Variants in BPTF observed in about 807,000 individuals in gnomAD.
BPTF encodes the protein nucleosome-remodeling factor subunit BPTF.
BPTF carries 18 observed loss-of-function variants against 292.5 expected under a neutral mutation model. The ratio of observed to expected loss-of-function variants is 0.06; its 90% CI spans 0.04 to 0.09. BPTF has a LOEUF of 0.09. BPTF is among the 10% of genes least tolerant of loss of function. BPTF has a pLI of 1.00. For missense variants in BPTF, 2,726 were observed against 3,498.7 expected (o/e 0.78, Z 5.57); for synonymous variants, 1,225 against 1,251.9 (o/e 0.98, Z 0.45).
At chr17:67,830,840 ATTGTGATCCTCAGCCC>A (rs1232022427) in intron 1 of BPTF, among the ~76,000 whole-genome samples, 24 of 152,220 alleles carry the variant, frequency 1.6e-4, no homozygotes, top group African/African-American at 5.5e-4. Context: ...ATTGGGCTGG[ATTGTGATCCTCAGCCC>A]TTTTTCACTC....
chr17:67,951,929 A>G (rs1159924702), intron 23 of BPTF, among the ~76,000 whole-genome samples: 1 of 151,448 alleles, frequency 6.6e-6, no homozygotes, highest in East Asian at 2.0e-4. Context: ...GTGGCGCACA[A>G]CTGTAGTTCC....
At chr17:67,969,268 G>A (rs560930635) in intron 26 of BPTF, among the ~76,000 whole-genome samples, 1 of 150,980 alleles carries the variant, frequency 6.6e-6, no homozygotes, top group Non-Finnish European at 1.5e-5. Flanking sequence ...CCAACATGGT[G>A]AAACCTCATC....
In BPTF at chr17:67,983,726, T is replaced by C. The variant is rs1421315765; in HGVS notation, c.*1438T>C. The stretch of plus-strand genomic sequence containing the variant: ...CTTTGCAAAAATTTTTACTAGATTT[T>C]GCACTAACTCATATTAGCTTTGTCC... On this transcript the variant is annotated 3_prime_UTR_variant, in exon 28 of 28. Transcript: ENST00000306378. 6.5e-6 allele frequency: 1 copy of C among 152,698 alleles called. No homozygotes were observed. Among genetic ancestry groups the C allele is most frequent in the Non-Finnish European group, 1.5e-5 (1 of 68,050 alleles). The allele number at this position is 152,698 out of a possible 1,614,324, so 9.5% of individuals were successfully genotyped here. A position where few individuals can be genotyped will look rare whatever the true frequency, so the allele number is the denominator to read the frequency against.
intron 15 of BPTF, 39 bp downstream of exon 15, chr17:67,924,628 A>G: frequency 1.3e-6 from 2 of 1,595,006 alleles, no homozygotes; most frequent in Non-Finnish European, 8.5e-7. Context: ...TCAAGGCCCA[A>G]ATGGAGGCTC....
chr17:67,958,700 C>T (rs1403081368), intron 23 of BPTF, among the ~76,000 whole-genome samples: 1 of 151,936 alleles, frequency 6.6e-6, no homozygotes, highest in Non-Finnish European at 1.5e-5. Flanking sequence ...CACTGCACTC[C>T]AGCCTAGGCA....
intron 1 of BPTF, among the ~76,000 whole-genome samples, chr17:67,830,003 C>G (rs1442041826): frequency 1.3e-5 from 2 of 152,072 alleles, no homozygotes; most frequent in Non-Finnish European, 2.9e-5. Flanking sequence ...TTGAAATCAC[C>G]TAGTTTTGCT....
At chr17:67,923,373 A>G (rs569441289) in intron 14 of BPTF, among the ~76,000 whole-genome samples, 7 of 150,700 alleles carry the variant, frequency 4.6e-5, no homozygotes, top group African/African-American at 1.7e-4. Context: ...GAACACTTTA[A>G]TCATTTATTC....
chr17:67,910,789 G>C (rs1471964236), intron 10 of BPTF, 88 bp from the exon 11 acceptor site: 4 of 981,588 alleles, frequency 4.1e-6, no homozygotes, highest in African/African-American at 1.7e-5. Flanking sequence ...AACAGAGTGA[G>C]ACTCCATCTC....
intron 4 of BPTF, chr17:67,886,452 G>T: frequency 3.7e-6 from 2 of 547,386 alleles, no homozygotes; most frequent in Non-Finnish European, 6.0e-6. Flanking sequence ...TTTGGTGGGG[G>T]GTGGAATTTA....
At chr17:67,904,459 C>G (rs2062045986) in intron 8 of BPTF, among the ~76,000 whole-genome samples, 1 of 152,254 alleles carries the variant, frequency 6.6e-6, no homozygotes, top group South Asian at 2.1e-4. Flanking sequence ...TGTTATAAAA[C>G]TGTAAAATTG....
chr17:67,851,886 T>C (rs562503515), intron 1 of BPTF, among the ~76,000 whole-genome samples: 31 of 151,802 alleles, frequency 2.0e-4, no homozygotes, highest in Non-Finnish European at 4.1e-4. Flanking sequence ...GGTTTTACTT[T>C]GCCTTTCCTT....
chr17:67,842,817 C>CAAAA (rs60085248), intron 1 of BPTF, among the ~76,000 whole-genome samples: 32 of 47,760 alleles, frequency 6.7e-4, no homozygotes, highest in East Asian at 3.0e-3. Flanking sequence ...CAATTAAGGC[C>CAAAA]AAAAAAAAAA....
intron 24 of BPTF, 146 bp from the exon 25 acceptor site, chr17:67,964,066 T>C (rs1199487462): frequency 6.1e-6 from 5 of 822,050 alleles, no homozygotes; most frequent in Admixed American, 2.6e-5. Flanking sequence ...ATTAATGAAC[T>C]GGAATGTCAA....
rs145406542 is a variant in BPTF at position 67,870,485 on chromosome 17, C to T, written c.1660+3798C>T. Among the ~76,000 whole-genome samples the T allele has an allele frequency of 5.2e-3, 796 of 152,008 alleles. 8 individuals carry two copies. The highest frequency in any genetic ancestry group is 7.7e-3 in the Non-Finnish European group (521 of 67,966). The stretch of plus-strand genomic sequence containing the variant: ...TTGAGCATTCAAATAGAAGAATTCC[C>T]GATTAAAACACCAGTTCACCACTGT... On this transcript the variant is annotated intron_variant, in intron 3 of 27. Coordinates refer to ENST00000306378, the MANE Select transcript of BPTF (RefSeq NM_182641.4).
At chr17:67,880,336 A>AT (rs2060319249) in intron 4 of BPTF, among the ~76,000 whole-genome samples, 1 of 150,868 alleles carries the variant, frequency 6.6e-6, no homozygotes, top group Admixed American at 6.6e-5. Flanking sequence ...ACTTTTATGG[A>AT]TTTTCTTTCC....
At position 67,929,464 on chromosome 17, in the gene BPTF, G is replaced by A. The variant is rs1392400275; in HGVS notation, c.6127G>A (p.Gly2043Arg). 1.2e-6 allele frequency: 2 copies of A among 1,614,084 alleles called. No individual in the cohort carries two copies. Among genetic ancestry groups the A allele is most frequent in the Non-Finnish European group, 1.7e-6 (2 of 1,180,010 alleles). The change falls in exon 17 of 28, where the codon GGA (glycine) becomes AGA (arginine). Residue 2043 changes from glycine (G) to arginine (R), a missense_variant. Physicochemically the swap from Gly to Arg is moderately radical, Grantham distance 125 (BLOSUM62 -2). This residue lies in a region of BPTF where 570 missense variants were observed against 633.5 expected (regional missense o/e 0.90). Coordinates refer to ENST00000306378, the MANE Select transcript of BPTF (RefSeq NM_182641.4). ...AATTAGGCCCAATACCTCAGGCTCTGGAGGAACCACAAGCAATTCACAAGT... is the reference window on the plus strand; with the variant it reads ...AATTAGGCCCAATACCTCAGGCTCTAGAGGAACCACAAGCAATTCACAAGT... Reference protein sequence around the residue: ...VTIRPNTSGSGGTTSNSQVIT... With the variant: ...VTIRPNTSGSRGTTSNSQVIT...
chr17:67,982,544 G>T lies in BPTF; in HGVS notation c.*256G>T. ...ATTGTGGCAGAAGCGAGAAAACTTT[G>T]TTTATTGAAAAAAAAAGAAAAAGAA... On this transcript the variant is annotated 3_prime_UTR_variant, in exon 28 of 28. Coordinates refer to ENST00000306378, the MANE Select transcript of BPTF (RefSeq NM_182641.4). 2.9e-6 allele frequency: 1 copy of T among 349,476 alleles called. No homozygotes were observed. Among genetic ancestry groups the T allele is most frequent in the Non-Finnish European group, 5.2e-6 (1 of 192,776 alleles). 21.6% of individuals were successfully genotyped at this position (349,476 alleles called of 1,614,324 possible).
Position 67,912,882 on chromosome 17 carries a change from C to T in BPTF, c.4998C>T (p.Thr1666=), listed in dbSNP as rs374172446. 37 of 1,614,004 alleles carry T rather than the reference C, an allele frequency of 2.3e-5. No homozygotes were observed. The Middle Eastern group carries it at 4.9e-4, about 22-fold the overall frequency. Reference sequence around the variant, plus strand: ...CCACGACAGTGACAGACTCCCTGACCACCACGGGAGGCACACTGGTTACAT... The same window carrying T: ...CCACGACAGTGACAGACTCCCTGACTACCACGGGAGGCACACTGGTTACAT... The part of the protein sequence containing the change: ...VVTTTVTDSL[T]TTGGTLVTSM... Residue 1666 remains threonine, a synonymous_variant, in exon 11 of 28, where the codon ACC becomes ACT. Coordinates refer to ENST00000306378, the MANE Select transcript of BPTF (RefSeq NM_182641.4).
intron 23 of BPTF, among the ~76,000 whole-genome samples, chr17:67,958,311 G>A (rs1555681904): frequency 6.6e-6 from 1 of 151,912 alleles, no homozygotes; most frequent in African/African-American, 2.4e-5. Context: ...TAGCCTGGGT[G>A]ACAGAGTGAG....
Sources: allele counts gnomAD v4.1 joint callset (sites outside exome capture counted in the v4.1 genomes callset), GRCh38; gene constraint gnomAD v4.1.1; regional missense constraint gnomAD v4.1.1; transcripts MANE v1.5; gene names NCBI Gene and HGNC (gene_info 2026-07-23, HGNC 2026-07-21).